Variants in RALYL observed in about 807,000 individuals in gnomAD.
The protein encoded by RALYL is RNA-binding Raly-like protein.
RALYL carries 29 observed loss-of-function variants against 35.1 expected under a neutral mutation model. The observed-to-expected ratio is 0.83, with a 90% CI of 0.61 to 1.13. The LOEUF (loss-of-function observed/expected upper bound fraction) is 1.13. Among genes scored for constraint, RALYL ranks in the 50% most tolerant of loss-of-function variants. The pLI, the probability that RALYL is intolerant of heterozygous loss-of-function variation, is 0.00. For synonymous variants in RALYL, 120 were observed against 127.6 expected (o/e 0.94, Z 0.40); for missense variants, 359 against 360.4 (o/e 1.00, Z 0.03).
At chr8:84,367,483 C>T (rs562231117) in intron 1 of RALYL, among the ~76,000 whole-genome samples, 7 of 150,616 alleles carry the variant, frequency 4.6e-5, no homozygotes, top group South Asian at 2.1e-4. Flanking sequence ...GAGCCACTAG[C>T]GCAGCCTCAT....
At chr8:84,481,653 A>G (rs1390544951) in intron 1 of RALYL, among the ~76,000 whole-genome samples, 1 of 152,208 alleles carries the variant, frequency 6.6e-6, no homozygotes, top group Non-Finnish European at 1.5e-5. Context: ...ATAAAAAAGA[A>G]AGAATAGATG....
chr8:84,704,715 A>G (rs916009083), intron 2 of RALYL, among the ~76,000 whole-genome samples: 1 of 152,194 alleles, frequency 6.6e-6, no homozygotes, highest in African/African-American at 2.4e-5. Context: ...CAAAGAGTTT[A>G]GTTCATCAAA....
chr8:84,446,209 A>G (rs936186106), intron 1 of RALYL, among the ~76,000 whole-genome samples: 2 of 152,020 alleles, frequency 1.3e-5, no homozygotes, highest in African/African-American at 4.8e-5. Context: ...ATTCATGTGT[A>G]TTATTTCCAC....
chr8:84,196,557 C>A (rs540037741), intron 1 of RALYL, among the ~76,000 whole-genome samples: 1 of 152,138 alleles, frequency 6.6e-6, no homozygotes, highest in African/African-American at 2.4e-5. Context: ...TGTGCTAAGT[C>A]TTTGATATCT....
intron 2 of RALYL, among the ~76,000 whole-genome samples, chr8:84,664,268 T>TTTTC: frequency 6.7e-6 from 1 of 148,726 alleles, no homozygotes; most frequent in South Asian, 2.2e-4. Flanking sequence ...TCTAGATTTT[T>TTTTC]TTTTTTTTTT....
chr8:84,713,582 A>T (rs1253960116), intron 2 of RALYL, among the ~76,000 whole-genome samples: 1 of 152,094 alleles, frequency 6.6e-6, no homozygotes, highest in Middle Eastern at 3.4e-3. Context: ...TAAAGTGACA[A>T]CAAGTGTCAG....
intron 1 of RALYL, among the ~76,000 whole-genome samples, chr8:84,377,083 C>G: frequency 6.6e-6 from 1 of 151,752 alleles, no homozygotes; most frequent in East Asian, 1.9e-4. Context: ...TACTGATAGA[C>G]TAAACAGATA....
At chr8:84,272,245 A>G (rs1834452660) in intron 1 of RALYL, among the ~76,000 whole-genome samples, 1 of 151,958 alleles carries the variant, frequency 6.6e-6, no homozygotes, top group African/African-American at 2.4e-5. Context: ...GGCGCCCACC[A>G]CTATGCCCAG....
At chr8:84,344,063 AT>A (rs1358563119) in intron 1 of RALYL, among the ~76,000 whole-genome samples, 2 of 152,094 alleles carry the variant, frequency 1.3e-5, no homozygotes, top group East Asian at 3.9e-4. Context: ...TATAATTATC[AT>A]TTTTAGTGCA....
chr8:84,204,003 A>G (rs934929110), intron 1 of RALYL, among the ~76,000 whole-genome samples: 1 of 151,870 alleles, frequency 6.6e-6, no homozygotes, highest in African/African-American at 2.4e-5. Context: ...GTGTGTGTGT[A>G]TGTGTAATGT....
intron 8 of RALYL, among the ~76,000 whole-genome samples, chr8:84,890,809 AAAC>A (rs911373817): frequency 2.0e-5 from 3 of 152,254 alleles, no homozygotes; most frequent in Middle Eastern, 3.4e-3. Flanking sequence ...TGCAAAAAAA[AAAC>A]AATAAATAAA....
At chr8:84,699,583 T>C (rs570321799) in intron 2 of RALYL, among the ~76,000 whole-genome samples, 62 of 152,222 alleles carry the variant, frequency 4.1e-4, no homozygotes, top group African/African-American at 1.4e-3. Context: ...AAGGCACTAA[T>C]CACATTTGTG....
At chr8:84,383,494 G>A (rs945283928) in intron 1 of RALYL, among the ~76,000 whole-genome samples, 1 of 151,574 alleles carries the variant, frequency 6.6e-6, no homozygotes, top group Non-Finnish European at 1.5e-5. Flanking sequence ...AAAAAGAAAA[G>A]AGTATGTTTG....
intron 1 of RALYL, among the ~76,000 whole-genome samples, chr8:84,413,927 T>C (rs1358381271): frequency 6.6e-6 from 1 of 152,138 alleles, no homozygotes; most frequent in Non-Finnish European, 1.5e-5. Context: ...TTTGTCTTTG[T>C]ATGGCATATA....
intron 2 of RALYL, among the ~76,000 whole-genome samples, chr8:84,534,747 T>C (rs1407238315): frequency 1.3e-5 from 2 of 152,080 alleles, no homozygotes; most frequent in Non-Finnish European, 2.9e-5. Context: ...CAATTACAAG[T>C]TCCCCAGAAA....
chr8:84,404,270 C>T (rs954061723), intron 1 of RALYL, among the ~76,000 whole-genome samples: 2 of 152,056 alleles, frequency 1.3e-5, no homozygotes, highest in East Asian at 3.9e-4. Flanking sequence ...GGGAATGCTT[C>T]CAGCTTTTGC....
chr8:84,388,982 C>G (rs1389605925), intron 1 of RALYL, among the ~76,000 whole-genome samples: 2 of 152,124 alleles, frequency 1.3e-5, no homozygotes, highest in Middle Eastern at 3.2e-3. Flanking sequence ...TTAGGTCTAA[C>G]ATGTAAGTCT....
At chr8:84,365,390 T>A (rs1854015843) in intron 1 of RALYL, among the ~76,000 whole-genome samples, 1 of 152,182 alleles carries the variant, frequency 6.6e-6, no homozygotes, top group African/African-American at 2.4e-5. Context: ...ATCTATAGGA[T>A]GAACCAAATT....
intron 1 of RALYL, among the ~76,000 whole-genome samples, chr8:84,415,066 G>C (rs1443637360): frequency 6.6e-6 from 1 of 151,632 alleles, no homozygotes; most frequent in Non-Finnish European, 1.5e-5. Context: ...TAGTCTTATA[G>C]AAAGGACATA....
Sources: allele counts gnomAD v4.1 joint callset (sites outside exome capture counted in the v4.1 genomes callset), GRCh38; gene constraint gnomAD v4.1.1; transcripts MANE v1.5; gene names NCBI Gene and HGNC (gene_info 2026-07-23, HGNC 2026-07-21).